Variants in BTBD9 observed in about 807,000 individuals in gnomAD.
BTBD9 encodes the protein BTB domain containing 9.
BTBD9 carries 49 observed loss-of-function variants against 64.3 expected under a neutral mutation model. The ratio of observed to expected loss-of-function variants is 0.76; its 90% CI spans 0.61 to 0.97. The LOEUF (loss-of-function observed/expected upper bound fraction) is 0.97, where lower values mean the gene tolerates loss of function less well. Among genes scored for constraint, BTBD9 ranks in the 50% least tolerant of loss-of-function variants. The pLI is 0.00. For synonymous variants in BTBD9, 260 were observed against 274.7 expected, an observed-to-expected ratio of 0.95 and a Z score of 0.53; for missense variants, 598 against 762.1, an observed-to-expected ratio of 0.78 and a Z score of 2.53.
chr6:38,314,226 C>T (rs1251745222), intron 7 of BTBD9, among the ~76,000 whole-genome samples: 3 of 151,780 alleles, frequency 2.0e-5, no homozygotes, highest in South Asian at 2.1e-4. Context: ...GCTGGAGTCT[C>T]GCTCTGTCGC....
chr6:38,335,866 T>C (rs1490847470), intron 7 of BTBD9, among the ~76,000 whole-genome samples: 2 of 152,182 alleles, frequency 1.3e-5, no homozygotes, highest in African/African-American at 2.4e-5. Context: ...CCCGAGTAGC[T>C]GGGATTACAG....
chr6:38,431,085 T>C (rs1294969438), intron 6 of BTBD9, among the ~76,000 whole-genome samples: 1 of 151,916 alleles, frequency 6.6e-6, no homozygotes, highest in Non-Finnish European at 1.5e-5. Context: ...CATTCTTCAG[T>C]CTTTGTCTCT....
At chr6:38,588,289 T>C in intron 4 of BTBD9, 2 of 1,126,772 alleles carry the variant, frequency 1.8e-6, no homozygotes, top group East Asian at 2.3e-5. Flanking sequence ...TGCCACACAG[T>C]ACCAGGCAAG....
intron 8 of BTBD9, among the ~76,000 whole-genome samples, chr6:38,264,801 A>C (rs1764914626): frequency 6.6e-6 from 1 of 152,132 alleles, no homozygotes; most frequent in African/African-American, 2.4e-5. Flanking sequence ...TGTTTTCTTA[A>C]AAGTGTGTGA....
At chr6:38,389,871 AT>A (rs1766334641) in intron 6 of BTBD9, among the ~76,000 whole-genome samples, 1 of 152,198 alleles carries the variant, frequency 6.6e-6, no homozygotes, top group African/African-American at 2.4e-5. Context: ...TATGATTTAT[AT>A]TGTCAGTCAA....
intron 6 of BTBD9, among the ~76,000 whole-genome samples, chr6:38,382,476 C>A (rs1765976610): frequency 7.0e-6 from 1 of 142,136 alleles, no homozygotes; most frequent in African/African-American, 2.6e-5. Context: ...GAGATTGTGC[C>A]ATTGCACTCC....
chr6:38,330,465 T>C (rs964392071), intron 7 of BTBD9, among the ~76,000 whole-genome samples: 1 of 151,986 alleles, frequency 6.6e-6, no homozygotes, highest in Non-Finnish European at 1.5e-5. Flanking sequence ...GGTGAGAGTA[T>C]CACTTAAGCC....
At chr6:38,493,663 A>G (rs1771801619) in intron 6 of BTBD9, among the ~76,000 whole-genome samples, 1 of 152,238 alleles carries the variant, frequency 6.6e-6, no homozygotes, top group African/African-American at 2.4e-5. Context: ...TTTTGCTACC[A>G]AGAGTAGCCT....
In BTBD9 at chr6:38,592,838, T is replaced by C. The variant is rs1489577224; in HGVS notation, c.552A>G (p.Thr184=). The change falls in exon 4 of 11, where the codon ACA becomes ACG. Residue 184 remains threonine, a splice_region_variant and synonymous_variant. Transcript: ENST00000481247. The part of the protein sequence containing the change: ...SSEGFLSLSK[T]ALLNIVLRDS... Reference sequence around the variant, plus strand: ...CTCTTAACACGATGTTTAAAAGTGCTGTCTGAAAAGGATAAAAAGGTAAAA... The same window carrying C: ...CTCTTAACACGATGTTTAAAAGTGCCGTCTGAAAAGGATAAAAAGGTAAAA... The C allele has an allele frequency of 6.2e-7, 1 of 1,613,658 alleles. No individual in the cohort carries two copies. Among genetic ancestry groups the C allele is most frequent in the Non-Finnish European group, 8.5e-7 (1 of 1,179,628 alleles).
In BTBD9 at chr6:38,553,664, T is replaced by C. The variant is rs6942168; in HGVS notation, c.1154+23936A>G. Among the ~76,000 whole-genome samples the C allele has an allele frequency of 3.8e-3, 573 of 152,280 alleles. 3 individuals are homozygous for C. Among genetic ancestry groups the C allele is most frequent in the African/African-American group, 0.013 (551 of 41,554 alleles). ...GGAAAAGAGATAATGGCAAGACTTC[T>C]CGTTAATAATCTAGCTAAATGATAG... On this transcript the variant is annotated intron_variant, in intron 6 of 10. Transcript: ENST00000481247.
chr6:38,567,608 G>T (rs1488122249), intron 6 of BTBD9, among the ~76,000 whole-genome samples: 2 of 152,064 alleles, frequency 1.3e-5, no homozygotes, highest in Non-Finnish European at 2.9e-5. Flanking sequence ...TTTCATACTG[G>T]GAGATGAATT....
chr6:38,559,805 T>C (rs1413489178), intron 6 of BTBD9, among the ~76,000 whole-genome samples: 14 of 152,018 alleles, frequency 9.2e-5, no homozygotes, highest in Admixed American at 5.9e-4. Flanking sequence ...TTCAACAAAG[T>C]TGACAAAAAC....
At chr6:38,562,923 C>T (rs1775318894) in intron 6 of BTBD9, among the ~76,000 whole-genome samples, 1 of 152,188 alleles carries the variant, frequency 6.6e-6, no homozygotes, top group African/African-American at 2.4e-5. Flanking sequence ...CTGACTTCCA[C>T]CACTACTGTA....
At chr6:38,419,094 T>C (rs935909677) in intron 6 of BTBD9, among the ~76,000 whole-genome samples, 4 of 152,248 alleles carry the variant, frequency 2.6e-5, no homozygotes, top group Non-Finnish European at 4.4e-5. Context: ...TAGCTGTGTG[T>C]TTGTATTTAA....
intron 7 of BTBD9, among the ~76,000 whole-genome samples, chr6:38,298,790 C>A (rs974621374): frequency 3.3e-5 from 5 of 151,916 alleles, no homozygotes; most frequent in Non-Finnish European, 7.4e-5. Flanking sequence ...CTGTGCCTGG[C>A]TTATTTCACT....
Position 38,412,343 on chromosome 6 carries a change from A to C in BTBD9, c.1155-67250T>G, listed in dbSNP as rs902835230. On this transcript the variant is annotated intron_variant, in intron 6 of 10. Transcript: ENST00000481247. The stretch of plus-strand genomic sequence containing the variant: ...TCGGCAAGCATCCCCAAAACACACG[A>C]ACATATGCTCAACTTCCTTCTCGAT... Among the ~76,000 whole-genome samples, 3 of 152,128 alleles carry C rather than the reference A, an allele frequency of 2.0e-5. No homozygotes were observed. The East Asian group carries it at 5.8e-4, about 29-fold the overall frequency.
rs80131758 is a variant in BTBD9 at position 38,362,090 on chromosome 6, G to T, written c.1155-16997C>A. Reference sequence around the variant, plus strand: ...CCCCAAAAGTACTTCAGGTGTCTTGGCTTACTCACATGGATTCTGTTCCTA... The same window carrying T: ...CCCCAAAAGTACTTCAGGTGTCTTGTCTTACTCACATGGATTCTGTTCCTA... On this transcript the variant is annotated intron_variant, in intron 6 of 10. Coordinates refer to ENST00000481247, the MANE Select transcript of BTBD9 (RefSeq NM_001099272.2). 1.0e-3 allele frequency among the ~76,000 whole-genome samples: 155 copies of T among 152,188 alleles called. 4 individuals are homozygous for T. In the East Asian group the frequency reaches 0.017, roughly 16 times the overall value.
At chr6:38,382,914 A>G (rs961486962) in intron 6 of BTBD9, among the ~76,000 whole-genome samples, 1 of 152,216 alleles carries the variant, frequency 6.6e-6, no homozygotes, top group African/African-American at 2.4e-5. Flanking sequence ...AACAGTTAAT[A>G]GTCTTCCCAC....
chr6:38,556,532 TGTGTGTGTGTGTGTGTGTGAGA>T (rs1775024013), intron 6 of BTBD9, among the ~76,000 whole-genome samples: 1 of 51,138 alleles, frequency 2.0e-5, no homozygotes, highest in African/African-American at 1.3e-4. Flanking sequence ...TGTGTGTGTG[TGTGTGTGTGTGTGTGTGTGAGA>T]GAGAGAGAGA....
Sources: gnomAD v4.1 joint callset for allele counts (sites outside exome capture counted in the v4.1 genomes callset) on GRCh38, gnomAD v4.1.1 for gene constraint, MANE v1.5 for transcripts, NCBI Gene and HGNC (gene_info 2026-07-23, HGNC 2026-07-21) for gene names.